TMEM117: variants seen among roughly 807,000 people sequenced by gnomAD.
TMEM117 encodes transmembrane protein 117.
TMEM117 carries 27 observed loss-of-function variants against 52.4 expected under a neutral mutation model. That is an observed-to-expected ratio of 0.51 (90% CI 0.38 to 0.71). The LOEUF (loss-of-function observed/expected upper bound fraction) is 0.71. Ranked by LOEUF, TMEM117 falls within the 30% of genes least tolerant of loss-of-function variation. The probability of loss-of-function intolerance (pLI) is 0.00; values close to 1 mark genes in which losing one functional copy is unlikely to be tolerated. For synonymous variants in TMEM117, 215 were observed against 206.3 expected (o/e 1.04, Z -0.36); for missense variants, 556 against 630.5 (o/e 0.88, Z 1.26).
chr12:43,950,403 C>A (rs11182343), intron 3 of TMEM117, among the ~76,000 whole-genome samples: 1,748 of 152,092 alleles, frequency 0.011, 39 homozygotes, highest in East Asian at 0.068. Flanking sequence ...TAAACAATTG[C>A]CCCCAGGCAT....
At chr12:43,931,862 T>C (rs1944876381) in intron 2 of TMEM117, among the ~76,000 whole-genome samples, 1 of 152,246 alleles carries the variant, frequency 6.6e-6, no homozygotes, top group Admixed American at 6.5e-5. Flanking sequence ...TGAAGGGTCC[T>C]GATTTATTCT....
intron 3 of TMEM117, among the ~76,000 whole-genome samples, chr12:44,101,142 G>A (rs1300353572): frequency 1.3e-5 from 2 of 151,084 alleles, no homozygotes; most frequent in Non-Finnish European, 2.9e-5. Context: ...CTCTGAATCA[G>A]ATTCCAAAGG....
At chr12:44,245,060 A>T (rs185925262) in intron 5 of TMEM117, among the ~76,000 whole-genome samples, 4 of 151,950 alleles carry the variant, frequency 2.6e-5, no homozygotes, top group Non-Finnish European at 5.9e-5. Context: ...TGTCTATTTT[A>T]TGTTAGTATC....
chr12:43,862,741 A>G (rs1263996857), intron 2 of TMEM117, among the ~76,000 whole-genome samples: 1 of 152,172 alleles, frequency 6.6e-6, no homozygotes, highest in Admixed American at 6.5e-5. Flanking sequence ...TTATATTGAA[A>G]CCTGAAAGAT....
chr12:44,174,883 T>C (rs11182431), intron 4 of TMEM117, among the ~76,000 whole-genome samples: 40,329 of 152,026 alleles, frequency 0.27, 9,595 homozygotes, highest in African/African-American at 0.64. Context: ...GAATGAAACT[T>C]GGCCAGCAGG....
chr12:44,003,095 G>A (rs1254141599), intron 3 of TMEM117, among the ~76,000 whole-genome samples: 1 of 152,132 alleles, frequency 6.6e-6, no homozygotes, highest in Non-Finnish European at 1.5e-5. Context: ...TGGGAACAGT[G>A]GAACACAGTA....
intron 2 of TMEM117, among the ~76,000 whole-genome samples, chr12:43,932,336 G>GTT (rs34671916): frequency 2.2e-4 from 29 of 129,428 alleles, no homozygotes; most frequent in Non-Finnish European, 3.2e-4. Flanking sequence ...CATTAAATAA[G>GTT]TTTTTTTTTT....
At chr12:44,192,940 T>A (rs1047824934) in intron 4 of TMEM117, among the ~76,000 whole-genome samples, 5 of 152,192 alleles carry the variant, frequency 3.3e-5, no homozygotes, top group African/African-American at 1.2e-4. Context: ...AGTGAAAACT[T>A]GGTTAGCCTT....
chr12:44,070,755 A>G lies in TMEM117; in HGVS notation c.411-72770A>G, dbSNP rs909043831. Among the ~76,000 whole-genome samples the G allele has an allele frequency of 4.6e-5, 7 of 152,326 alleles. No homozygotes were observed. The East Asian group carries it at 9.7e-4, about 21-fold the overall frequency. On this transcript the variant is annotated intron_variant, in intron 3 of 7. Coordinates refer to ENST00000266534, the MANE Select transcript of TMEM117 (RefSeq NM_032256.3). ...TATCCTGGGACCTAACTTTAGCATT[A>G]TATGAATACCTTGTATGAGGCATTA...
At chr12:44,394,206 C>T (rs899719679), downstream of TMEM117, among the ~76,000 whole-genome samples, 9 of 152,256 alleles carry the variant, frequency 5.9e-5, no homozygotes, top group Non-Finnish European at 7.4e-5. Flanking sequence ...TTTCCCTTGA[C>T]GTGATGAGCC....
intron 4 of TMEM117, among the ~76,000 whole-genome samples, chr12:44,145,089 G>A (rs910315562): frequency 3.3e-5 from 5 of 152,122 alleles, no homozygotes; most frequent in African/African-American, 9.7e-5. Context: ...CCTGGGAGGC[G>A]GAGCTTGCAG....
intron 3 of TMEM117, among the ~76,000 whole-genome samples, chr12:43,946,025 TTTTAGATAA>T (rs1945126407): frequency 6.6e-6 from 1 of 152,264 alleles, no homozygotes; most frequent in Admixed American, 6.5e-5. Flanking sequence ...ACGAATGTGA[TTTTAGATAA>T]AATGTTCAGG....
intron 2 of TMEM117, among the ~76,000 whole-genome samples, chr12:43,885,672 A>G (rs1485725421): frequency 6.6e-6 from 1 of 152,092 alleles, no homozygotes; most frequent in East Asian, 1.9e-4. Context: ...GGCTAAGACC[A>G]AGTGTAAATA....
At chr12:44,133,784 G>A (rs988090044) in intron 3 of TMEM117, among the ~76,000 whole-genome samples, 2 of 152,078 alleles carry the variant, frequency 1.3e-5, no homozygotes, top group African/African-American at 4.8e-5. Flanking sequence ...CACAAATGGG[G>A]AAAGTGCTTC....
intron 2 of TMEM117, among the ~76,000 whole-genome samples, chr12:43,912,812 T>C (rs1391679964): frequency 6.6e-6 from 1 of 152,092 alleles, no homozygotes; most frequent in Non-Finnish European, 1.5e-5. Context: ...TTTATAGTTA[T>C]ATTCATTTTA....
chr12:43,884,503 G>C (rs1389684005), intron 2 of TMEM117, among the ~76,000 whole-genome samples: 2 of 152,094 alleles, frequency 1.3e-5, no homozygotes, highest in African/African-American at 2.4e-5. Context: ...ATGGCCTCCA[G>C]TAAAGGCTTC....
intron 5 of TMEM117, among the ~76,000 whole-genome samples, chr12:44,277,041 A>G (rs1950523056): frequency 6.6e-6 from 1 of 152,064 alleles, no homozygotes; most frequent in Non-Finnish European, 1.5e-5. Context: ...TGGGTTTTGA[A>G]GGCATTATTC....
At chr12:43,897,905 G>A (rs1357640672) in intron 2 of TMEM117, among the ~76,000 whole-genome samples, 3 of 152,090 alleles carry the variant, frequency 2.0e-5, no homozygotes, top group Non-Finnish European at 4.4e-5. Context: ...GAGCCATTGT[G>A]CCTGGCCTTT....
At chr12:43,986,045 A>T (rs1349656395) in intron 3 of TMEM117, among the ~76,000 whole-genome samples, 1 of 152,214 alleles carries the variant, frequency 6.6e-6, no homozygotes, top group African/African-American at 2.4e-5. Flanking sequence ...CAAAGTCTGA[A>T]TGAATGATAT....
Sources: gnomAD v4.1 joint callset for allele counts (sites outside exome capture counted in the v4.1 genomes callset) on GRCh38, gnomAD v4.1.1 for gene constraint, MANE v1.5 for transcripts, NCBI Gene and HGNC (gene_info 2026-07-23, HGNC 2026-07-21) for gene names.